Variants in RAP1GAP2 observed in about 807,000 individuals in gnomAD.
RAP1GAP2 encodes the protein RAP1 GTPase activating protein 2.
Under a neutral mutation model 95.0 loss-of-function variants are expected in RAP1GAP2, and 27 were observed. The observed-to-expected ratio is 0.28, with a 90% CI of 0.21 to 0.39. The LOEUF (loss-of-function observed/expected upper bound fraction) is 0.39, where lower values mean the gene tolerates loss of function less well. Ranked by LOEUF, RAP1GAP2 falls within the 10% of genes least tolerant of loss-of-function variation. RAP1GAP2 has a pLI of 1.00. For synonymous variants in RAP1GAP2, 373 were observed against 380.9 expected, an observed-to-expected ratio of 0.98 and a Z score of 0.24; for missense variants, 771 against 970.0, an observed-to-expected ratio of 0.79 and a Z score of 2.72.
intron 10 of RAP1GAP2, among the ~76,000 whole-genome samples, chr17:2,981,775 G>T (rs1446784585): frequency 6.6e-6 from 1 of 152,156 alleles, no homozygotes; most frequent in Admixed American, 6.5e-5. Flanking sequence ...GCCTGATACT[G>T]ACCCCAGTTC....
intron 2 of RAP1GAP2, among the ~76,000 whole-genome samples, chr17:2,815,438 C>A (rs910944939): frequency 6.7e-6 from 1 of 149,168 alleles, no homozygotes; most frequent in African/African-American, 2.5e-5. Context: ...ACACATGTAA[C>A]CTGCCTTAAC....
intron 2 of RAP1GAP2, among the ~76,000 whole-genome samples, chr17:2,881,714 T>C (rs139034079): frequency 6.6e-6 from 1 of 152,358 alleles, no homozygotes; most frequent in African/African-American, 2.4e-5. Context: ...TTTTCAACAA[T>C]GGGCTACAGT....
chr17:2,835,779 C>T (rs982759856), intron 2 of RAP1GAP2, among the ~76,000 whole-genome samples: 1 of 152,208 alleles, frequency 6.6e-6, no homozygotes, highest in Non-Finnish European at 1.5e-5. Context: ...TAGAACGTCT[C>T]ACATTTTGGA....
At chr17:3,022,466 C>T (rs2046993171) in intron 19 of RAP1GAP2, among the ~76,000 whole-genome samples, 1 of 152,208 alleles carries the variant, frequency 6.6e-6, no homozygotes, top group Non-Finnish European at 1.5e-5. Flanking sequence ...TTTACATTTA[C>T]ATTTCTTTGA....
intron 8 of RAP1GAP2, among the ~76,000 whole-genome samples, chr17:2,978,029 C>A (rs1316544698): frequency 1.3e-5 from 2 of 152,150 alleles, no homozygotes; most frequent in Non-Finnish European, 2.9e-5. Flanking sequence ...CTTTCACCCA[C>A]ACATGTCATC....
rs2047388804 is a variant in RAP1GAP2, at chr17:3,033,358, TTCGC to T, written c.*31-31_*31-28del. 6.5e-6 allele frequency: 1 copy of T among 152,974 alleles called. No individual in the cohort carries two copies. The highest frequency in any genetic ancestry group is 2.4e-5 in the African/African-American group (1 of 41,442). 9.5% of individuals were successfully genotyped at this position (152,974 alleles called of 1,614,324 possible). A position where few individuals can be genotyped will look rare whatever the true frequency, so the allele number is the denominator to read the frequency against. On this transcript the variant is annotated intron_variant, in intron 24 of 24. Transcript: ENST00000254695. This position sits in a 1 kb window ranked among gnomAD's most constrained non-coding sequence, Gnocchi z 4.9. The stretch of plus-strand genomic sequence containing the variant: ...CGTCCCCTCCTTCCTGTACGGAATG[TTCGC>T]TCATCGCCGCCTCCTCCTTGTCTCC...
At chr17:2,893,679 G>C (rs1449002793) in intron 2 of RAP1GAP2, among the ~76,000 whole-genome samples, 2 of 152,204 alleles carry the variant, frequency 1.3e-5, no homozygotes, top group African/African-American at 4.8e-5. Context: ...GACCTTGTGC[G>C]CTGGCTGCCT....
chr17:2,780,843 T>C (rs1023567197), intron 1 of RAP1GAP2, among the ~76,000 whole-genome samples: 3 of 152,278 alleles, frequency 2.0e-5, no homozygotes, highest in African/African-American at 4.8e-5. Flanking sequence ...TCATGGATGA[T>C]ACTCTTCTTG....
intron 2 of RAP1GAP2, among the ~76,000 whole-genome samples, chr17:2,824,372 G>C (rs555773922): frequency 1.3e-5 from 2 of 151,018 alleles, no homozygotes; most frequent in African/African-American, 4.9e-5. Flanking sequence ...ACTTGAACCC[G>C]GGAGGCGGAG....
intron 2 of RAP1GAP2, among the ~76,000 whole-genome samples, chr17:2,856,478 G>A (rs981888706): frequency 3.3e-5 from 5 of 152,184 alleles, no homozygotes; most frequent in Admixed American, 6.5e-5. Flanking sequence ...GGGTTTGATC[G>A]GAACTGTTCC....
chr17:2,996,276 C>G (rs2151580510), intron 13 of RAP1GAP2, among the ~76,000 whole-genome samples: 1 of 152,312 alleles, frequency 6.6e-6, no homozygotes. Context: ...GTTTGCTGCT[C>G]TGACAGCCGT....
chr17:2,760,249 C>T (rs1420089095), intron 1 of RAP1GAP2, among the ~76,000 whole-genome samples: 2 of 133,338 alleles, frequency 1.5e-5, no homozygotes, highest in Non-Finnish European at 3.1e-5. Flanking sequence ...GTTGAGATCG[C>T]GCCACTGCAC....
chr17:2,873,690 T>C (rs1359500577), intron 2 of RAP1GAP2, among the ~76,000 whole-genome samples: 5 of 152,058 alleles, frequency 3.3e-5, no homozygotes, highest in African/African-American at 9.7e-5. Context: ...GAAAAAGTTA[T>C]GGAATTAGTG....
intron 1 of RAP1GAP2, among the ~76,000 whole-genome samples, chr17:2,799,954 G>A (rs1029257121): frequency 2.0e-5 from 3 of 152,178 alleles, no homozygotes; most frequent in African/African-American, 7.2e-5. Context: ...GAACCTCTGT[G>A]CCTGATACAA....
intron 2 of RAP1GAP2, among the ~76,000 whole-genome samples, chr17:2,819,225 T>A (rs1356630728): frequency 1.3e-5 from 2 of 152,064 alleles, no homozygotes; most frequent in Non-Finnish European, 2.9e-5. Context: ...TTTCACCGTG[T>A]TAGCCAGGAT....
intron 2 of RAP1GAP2, among the ~76,000 whole-genome samples, chr17:2,846,187 G>GAA (rs113651847): frequency 7.6e-6 from 1 of 130,758 alleles, no homozygotes; most frequent in Admixed American, 7.7e-5. Flanking sequence ...TGTCTCAATT[G>GAA]AAAAAAAAAA....
intron 2 of RAP1GAP2, among the ~76,000 whole-genome samples, chr17:2,878,825 C>T (rs1035114306): frequency 6.6e-6 from 1 of 152,242 alleles, no homozygotes; most frequent in Non-Finnish European, 1.5e-5. Context: ...CCAGAGCCCA[C>T]TTAGCCACTT....
At chr17:2,814,672 G>A (rs1162713436) in intron 2 of RAP1GAP2, among the ~76,000 whole-genome samples, 2 of 152,106 alleles carry the variant, frequency 1.3e-5, no homozygotes, top group Admixed American at 1.3e-4. Context: ...CAGGTGAGGT[G>A]GCTGTCCCCT....
chr17:2,927,355 G>T (rs546200797), intron 3 of RAP1GAP2, among the ~76,000 whole-genome samples: 15 of 151,448 alleles, frequency 9.9e-5, no homozygotes, highest in East Asian at 2.0e-4. Flanking sequence ...GGGTTTCACC[G>T]TGTTAGCCAG....
Sources: gnomAD v4.1 joint callset for allele counts (sites outside exome capture counted in the v4.1 genomes callset) on GRCh38, gnomAD v4.1.1 for gene constraint, Gnocchi (gnomAD v3.1) non-coding constraint, MANE v1.5 for transcripts, NCBI Gene and HGNC (gene_info 2026-07-23, HGNC 2026-07-21) for gene names.